Variants in SUGCT observed in about 807,000 individuals in gnomAD.
SUGCT encodes succinyl-CoA:glutarate-CoA transferase.
A neutral mutation model predicts 55.0 loss-of-function variants in SUGCT; 41 were observed. The observed-to-expected ratio is 0.74, with a 90% CI of 0.58 to 0.97. The LOEUF is 0.97. Among genes scored for constraint, SUGCT ranks in the 50% least tolerant of loss-of-function variants. SUGCT has a pLI of 0.00. For synonymous variants in SUGCT, 187 were observed against 200.4 expected (o/e 0.93, Z 0.56); for missense variants, 568 against 547.8 (o/e 1.04, Z -0.37).
chr7:40,971,717 G>T, the SUGCT span, among the ~76,000 whole-genome samples: 1 of 152,220 alleles, frequency 6.6e-6, no homozygotes, highest in East Asian at 1.9e-4. Flanking sequence ...TGTCTAAGAT[G>T]GGTATTTCCA....
At chr7:40,491,938 C>G (rs752981307) in intron 11 of SUGCT, among the ~76,000 whole-genome samples, 19 of 151,832 alleles carry the variant, frequency 1.3e-4, no homozygotes, top group African/African-American at 3.9e-4. Flanking sequence ...TGCAGTGAGC[C>G]GAGATTGCAC....
At chr7:40,639,130 G>A (rs1330738020) in intron 12 of SUGCT, among the ~76,000 whole-genome samples, 3 of 152,064 alleles carry the variant, frequency 2.0e-5, no homozygotes, top group South Asian at 2.1e-4. Context: ...ATATCATTTG[G>A]CCAGGTTCCC....
At chr7:40,392,912 G>C (rs555512427) in intron 9 of SUGCT, among the ~76,000 whole-genome samples, 8 of 152,330 alleles carry the variant, frequency 5.3e-5, no homozygotes, top group African/African-American at 1.9e-4. Flanking sequence ...GCTTAAGCCT[G>C]TAAAACTGGG....
chr7:40,368,779 C>A (rs1156599113), intron 9 of SUGCT, among the ~76,000 whole-genome samples: 1 of 152,052 alleles, frequency 6.6e-6, no homozygotes, highest in African/African-American at 2.4e-5. Context: ...GCCTTTTGAA[C>A]ATGCAAGTTC....
chr7:40,469,159 T>A (rs1455168486), intron 11 of SUGCT, among the ~76,000 whole-genome samples: 1 of 152,232 alleles, frequency 6.6e-6, no homozygotes, highest in African/African-American at 2.4e-5. Context: ...GATCACATTT[T>A]AAAATCTCTT....
the SUGCT span, among the ~76,000 whole-genome samples, chr7:40,940,133 G>A: frequency 6.6e-6 from 1 of 152,022 alleles, no homozygotes; most frequent in Non-Finnish European, 1.5e-5. Flanking sequence ...TGAATAGGAT[G>A]TCCTTTCCCC....
At chr7:40,383,174 G>A (rs915233613) in intron 9 of SUGCT, among the ~76,000 whole-genome samples, 3 of 152,076 alleles carry the variant, frequency 2.0e-5, no homozygotes, top group African/African-American at 7.2e-5. Context: ...ACTGAGCAAG[G>A]GGTATGGGGA....
chr7:40,583,904 G>A (rs1797232921), intron 12 of SUGCT, among the ~76,000 whole-genome samples: 1 of 152,114 alleles, frequency 6.6e-6, no homozygotes, highest in African/African-American at 2.4e-5. Flanking sequence ...GAAACACGAG[G>A]GAATTTTTAC....
intron 12 of SUGCT, among the ~76,000 whole-genome samples, chr7:40,704,281 T>G (rs1396529550): frequency 6.6e-6 from 1 of 152,160 alleles, no homozygotes; most frequent in Admixed American, 6.5e-5. Context: ...CATCTGTAAG[T>G]GGGGATATCT....
At chr7:40,837,716 C>T (rs933412602) in intron 13 of SUGCT, among the ~76,000 whole-genome samples, 2 of 152,066 alleles carry the variant, frequency 1.3e-5, no homozygotes, top group African/African-American at 2.4e-5. Context: ...TGGGTTCAAG[C>T]GATTCTCATG....
At chr7:40,953,301 A>G in the SUGCT span, among the ~76,000 whole-genome samples, 10 of 152,194 alleles carry the variant, frequency 6.6e-5, no homozygotes, top group Non-Finnish European at 1.3e-4. Flanking sequence ...TTTCAGCTCC[A>G]TCAGGTCATT....
chr7:40,809,135 A>T (rs1791265215), intron 13 of SUGCT, among the ~76,000 whole-genome samples: 1 of 152,196 alleles, frequency 6.6e-6, no homozygotes, highest in South Asian at 2.1e-4. Context: ...GTTACTTGCA[A>T]AGATGACTCA....
intron 7 of SUGCT, among the ~76,000 whole-genome samples, chr7:40,258,846 G>GA (rs1320891995): frequency 6.6e-6 from 1 of 152,136 alleles, no homozygotes; most frequent in Non-Finnish European, 1.5e-5. Context: ...ATACTCAAGC[G>GA]AAATGAAATC....
At chr7:40,879,777 G>A in the SUGCT span, among the ~76,000 whole-genome samples, 1 of 152,148 alleles carries the variant, frequency 6.6e-6, no homozygotes, top group Non-Finnish European at 1.5e-5. Context: ...CTGCAGTTGG[G>A]CAGTGCTTTG....
rs552506865 is a variant in SUGCT at position 40,289,608 on chromosome 7, C to T, written c.720+14952C>T. 4.0e-3 allele frequency among the ~76,000 whole-genome samples: 604 copies of T among 152,134 alleles called. 4 individuals carry two copies. Among genetic ancestry groups the T allele is most frequent in the African/African-American group, 0.013 (554 of 41,504 alleles). On this transcript the variant is annotated intron_variant, in intron 8 of 13. Transcript: ENST00000335693. ...GAAAACTGGCACAAGACAGGGATGC[C>T]CTCTCCCACCACTCCTATTCAACAT...
chr7:40,915,692 T>C, the SUGCT span, among the ~76,000 whole-genome samples: 1 of 152,218 alleles, frequency 6.6e-6, no homozygotes, highest in Admixed American at 6.5e-5. Context: ...AAGGAACTCA[T>C]TCTCCTGCTG....
intron 12 of SUGCT, among the ~76,000 whole-genome samples, chr7:40,528,670 T>G (rs1215392444): frequency 2.6e-5 from 4 of 152,218 alleles, no homozygotes; most frequent in African/African-American, 7.2e-5. Flanking sequence ...TCTTCTGAAC[T>G]GTATATTTGG....
intron 12 of SUGCT, among the ~76,000 whole-genome samples, chr7:40,730,938 A>G (rs1193510564): frequency 3.9e-5 from 6 of 152,342 alleles, no homozygotes; most frequent in Non-Finnish European, 7.3e-5. Context: ...TATTGATTCC[A>G]TATCTTGGTA....
chr7:40,358,896 A>G (rs1013773182), intron 9 of SUGCT, among the ~76,000 whole-genome samples: 1 of 152,208 alleles, frequency 6.6e-6, no homozygotes, highest in Non-Finnish European at 1.5e-5. Flanking sequence ...TATTTATACA[A>G]CATCCCCCAA....
Sources: allele counts gnomAD v4.1 joint callset (sites outside exome capture counted in the v4.1 genomes callset), GRCh38; gene constraint gnomAD v4.1.1; transcripts MANE v1.5; gene names NCBI Gene and HGNC (gene_info 2026-07-23, HGNC 2026-07-21).